C10orf90: variants seen among roughly 807,000 people sequenced by gnomAD.
The protein encoded by C10orf90 is (E2-independent) E3 ubiquitin-conjugating enzyme FATS.
C10orf90 carries 56 observed loss-of-function variants against 62.5 expected under a neutral mutation model. The observed-to-expected ratio is 0.90, with a 90% CI of 0.72 to 1.12. The LOEUF (loss-of-function observed/expected upper bound fraction) is 1.12, where lower values mean the gene tolerates loss of function less well. C10orf90 is among the 50% of genes most tolerant of loss of function. C10orf90 has a pLI of 0.00. For synonymous variants in C10orf90, 386 were observed against 340.4 expected (o/e 1.13, Z -1.47); for missense variants, 970 against 880.4 (o/e 1.10, Z -1.29).
intron 2 of C10orf90, among the ~76,000 whole-genome samples, chr10:126,612,529 C>T (rs1228104296): frequency 6.6e-6 from 1 of 152,168 alleles, no homozygotes; most frequent in Non-Finnish European, 1.5e-5. Flanking sequence ...CTGAGGTACC[C>T]CATCACCCAT....
At position 126,455,632 on chromosome 10, in the gene C10orf90, C is replaced by T. The variant is rs144989332; in HGVS notation, c.2188+3408G>A. 8.3e-3 allele frequency among the ~76,000 whole-genome samples: 1,266 copies of T among 152,308 alleles called. 7 individuals are homozygous for T. The highest frequency in any genetic ancestry group is 0.014 in the Non-Finnish European group (938 of 68,028). On this transcript the variant is annotated intron_variant, in intron 7 of 9. Coordinates refer to ENST00000488181, the MANE Select transcript of C10orf90 (RefSeq NM_001350921.2). Reference sequence around the variant, plus strand: ...GCACCCGGGTGAGGAGAGAGACTTACGCATTGTATTTATTGGCTCTGAGAG... The same window carrying T: ...GCACCCGGGTGAGGAGAGAGACTTATGCATTGTATTTATTGGCTCTGAGAG...
chr10:126,583,978 G>A (rs1166215428), intron 2 of C10orf90, among the ~76,000 whole-genome samples: 2 of 152,062 alleles, frequency 1.3e-5, no homozygotes, highest in East Asian at 1.9e-4. Context: ...AAATTAGCAG[G>A]GCATGGTGAC....
chr10:126,582,664 T>C (rs1475046333), intron 2 of C10orf90, among the ~76,000 whole-genome samples: 2 of 151,818 alleles, frequency 1.3e-5, no homozygotes, highest in Non-Finnish European at 2.9e-5. Context: ...GATGAGGAGA[T>C]ATGCATCTTT....
At chr10:126,432,495 C>T (rs1053129424) in intron 7 of C10orf90, among the ~76,000 whole-genome samples, 6 of 152,264 alleles carry the variant, frequency 3.9e-5, no homozygotes, top group East Asian at 1.9e-4. Flanking sequence ...CTAAAGTATC[C>T]GGCAAATGCT....
chr10:126,608,716 G>T (rs1255015546), intron 2 of C10orf90, among the ~76,000 whole-genome samples: 1 of 152,174 alleles, frequency 6.6e-6, no homozygotes, highest in Non-Finnish European at 1.5e-5. Flanking sequence ...ACATCACAGA[G>T]ATGTGTAGAA....
intron 2 of C10orf90, among the ~76,000 whole-genome samples, chr10:126,627,203 G>A (rs1349414201): frequency 6.6e-6 from 1 of 152,032 alleles, no homozygotes; most frequent in Non-Finnish European, 1.5e-5. Flanking sequence ...ATTTCTCCAT[G>A]TTGGCCAGGC....
intron 4 of C10orf90, among the ~76,000 whole-genome samples, chr10:126,490,613 T>C (rs1861715042): frequency 6.6e-6 from 1 of 152,092 alleles, no homozygotes; most frequent in African/African-American, 2.4e-5. Flanking sequence ...TTACAACTTG[T>C]TAAAATGGTA....
intron 2 of C10orf90, among the ~76,000 whole-genome samples, chr10:126,532,964 G>A (rs193073289): frequency 0.011 from 1,648 of 149,378 alleles, 38 homozygotes; most frequent in African/African-American, 0.038. Flanking sequence ...ACGGAGTCTC[G>A]CTCTGTCGCC....
chr10:126,463,126 A>G (rs995129924), intron 5 of C10orf90: 5 of 150,152 alleles, frequency 3.3e-5, no homozygotes, highest in African/African-American at 1.2e-4. Flanking sequence ...TCTTGTGAGC[A>G]TGTTTTCTAG....
intron 2 of C10orf90, among the ~76,000 whole-genome samples, chr10:126,594,888 T>C (rs1845053637): frequency 6.6e-6 from 1 of 152,132 alleles, no homozygotes; most frequent in Admixed American, 6.5e-5. Flanking sequence ...GTGAGACTTA[T>C]TGGCATGCCC....
intron 2 of C10orf90, among the ~76,000 whole-genome samples, chr10:126,606,771 G>A (rs900576230): frequency 2.6e-5 from 4 of 152,154 alleles, no homozygotes; most frequent in African/African-American, 9.7e-5. Flanking sequence ...AGCTGCTTTT[G>A]TTGGGGTATT....
intron 2 of C10orf90, among the ~76,000 whole-genome samples, chr10:126,522,155 C>T (rs571490485): frequency 6.6e-6 from 1 of 152,328 alleles, no homozygotes; most frequent in African/African-American, 2.4e-5. Context: ...GTAATCCAAG[C>T]TACTTGGGAG....
At chr10:126,655,562 T>C (rs1227705328) in intron 1 of C10orf90, among the ~76,000 whole-genome samples, 1 of 152,186 alleles carries the variant, frequency 6.6e-6, no homozygotes, top group African/African-American at 2.4e-5. Context: ...GAATGAGCTG[T>C]ACTTGACAAT....
At chr10:126,596,386 A>AAC (rs1554923105) in intron 2 of C10orf90, among the ~76,000 whole-genome samples, 17 of 151,750 alleles carry the variant, frequency 1.1e-4, no homozygotes, top group Non-Finnish European at 2.2e-4. Flanking sequence ...TAAAAAAAAA[A>AAC]AACAACAACA....
intron 2 of C10orf90, among the ~76,000 whole-genome samples, chr10:126,600,331 C>A (rs1845175098): frequency 6.6e-6 from 1 of 152,204 alleles, no homozygotes; most frequent in South Asian, 2.1e-4. Flanking sequence ...TACAGAAAAT[C>A]TCCAGGGCAA....
intron 1 of C10orf90, among the ~76,000 whole-genome samples, chr10:126,663,469 C>A (rs1197440777): frequency 6.6e-6 from 1 of 152,218 alleles, no homozygotes; most frequent in African/African-American, 2.4e-5. Context: ...ACAGAATTTT[C>A]TCTTTGGAAA....
At chr10:126,579,917 A>G (rs1039817476) in intron 2 of C10orf90, among the ~76,000 whole-genome samples, 2 of 152,262 alleles carry the variant, frequency 1.3e-5, no homozygotes, top group South Asian at 4.2e-4. Flanking sequence ...TTTGTTCGAA[A>G]TCATCAATCT....
At chr10:126,438,454 T>A (rs780028908) in intron 7 of C10orf90, among the ~76,000 whole-genome samples, 3 of 152,172 alleles carry the variant, frequency 2.0e-5, no homozygotes, top group South Asian at 4.1e-4. Flanking sequence ...ATTAAACAAA[T>A]TTAAGGTGGC....
chr10:126,485,810 C>T (rs1184544897), intron 4 of C10orf90, among the ~76,000 whole-genome samples: 2 of 151,354 alleles, frequency 1.3e-5, no homozygotes, highest in African/African-American at 4.9e-5. Flanking sequence ...AGCCGGGCGT[C>T]GTGGTGGGCA....
Sources: gnomAD v4.1 joint callset for allele counts (sites outside exome capture counted in the v4.1 genomes callset) on GRCh38, gnomAD v4.1.1 for gene constraint, MANE v1.5 for transcripts, NCBI Gene and HGNC (gene_info 2026-07-23, HGNC 2026-07-21) for gene names.